Variants in NAV1 observed in about 807,000 individuals in gnomAD.
The protein encoded by NAV1 is pore membrane and/or filament interacting like protein 3.
In NAV1, 18 loss-of-function variants were observed where a neutral mutation model predicts 175.2. The ratio of observed to expected loss-of-function variants is 0.10; its 90% CI spans 0.07 to 0.15. The LOEUF (loss-of-function observed/expected upper bound fraction) is 0.15, where lower values mean the gene tolerates loss of function less well. Among genes scored for constraint, NAV1 ranks in the 10% least tolerant of loss-of-function variants. NAV1 has a pLI of 1.00. For missense variants in NAV1, 1,731 were observed against 2,436.6 expected (o/e 0.71, Z 6.10); for synonymous variants, 897 against 978.7 (o/e 0.92, Z 1.56).
chr1:201,681,889 T>G (rs1160721065), intron 1 of NAV1, among the ~76,000 whole-genome samples: 2 of 151,854 alleles, frequency 1.3e-5, no homozygotes, highest in African/African-American at 2.4e-5. Context: ...CCGAGGCAGG[T>G]GGATCACCTG....
chr1:201,551,293 A>G (rs893300581), intron 1 of NAV1, among the ~76,000 whole-genome samples: 30 of 152,080 alleles, frequency 2.0e-4, no homozygotes, highest in African/African-American at 6.5e-4. Context: ...CAGTGATGCA[A>G]TCATAGCTTA....
At chr1:201,731,278 G>T (rs1207527424) in intron 3 of NAV1, among the ~76,000 whole-genome samples, 1 of 152,060 alleles carries the variant, frequency 6.6e-6, no homozygotes, top group African/African-American at 2.4e-5. Flanking sequence ...GTGTGTGAGA[G>T]GTGGCTGGAT....
intron 1 of NAV1, among the ~76,000 whole-genome samples, chr1:201,687,585 C>T (rs1670734160): frequency 2.0e-5 from 3 of 152,214 alleles, no homozygotes; most frequent in African/African-American, 4.8e-5. Flanking sequence ...ACATAATTAT[C>T]TCTGTTCTAC....
rs188810654 is a variant in NAV1, at chr1:201,659,924, G to A, written c.757+10499G>A. On this transcript the variant is annotated intron_variant, in intron 1 of 29. Coordinates refer to ENST00000367296, the Ensembl canonical transcript of NAV1. The stretch of plus-strand genomic sequence containing the variant: ...TGCCATGCCCTGGGCATTGCCATGG[G>A]ATTCCATTGCTGTAGGAGTGAGAAT... 6.6e-5 allele frequency among the ~76,000 whole-genome samples: 10 copies of A among 152,324 alleles called. No individual in the cohort carries two copies. The South Asian group carries it at 1.2e-3, about 19-fold the overall frequency.
intron 15 of NAV1, among the ~76,000 whole-genome samples, chr1:201,800,316 T>C (rs1677770331): frequency 6.6e-6 from 1 of 152,232 alleles, no homozygotes; most frequent in South Asian, 2.1e-4. Context: ...ATTTTATTTT[T>C]AATTAACTAG....
chr1:201,631,085 C>T (rs1668469037), intron 2 of NAV1, among the ~76,000 whole-genome samples: 1 of 152,096 alleles, frequency 6.6e-6, no homozygotes. Context: ...GACAGAGTGC[C>T]GGGGAACATT....
intron 3 of NAV1, among the ~76,000 whole-genome samples, chr1:201,761,788 C>T (rs1231559169): frequency 6.6e-6 from 1 of 152,176 alleles, no homozygotes; most frequent in Non-Finnish European, 1.5e-5. Context: ...GACGTACAAG[C>T]AGTACGAATG....
At chr1:201,542,770 A>G (rs548517228) in intron 1 of NAV1, among the ~76,000 whole-genome samples, 1 of 152,260 alleles carries the variant, frequency 6.6e-6, no homozygotes. Flanking sequence ...TAATATGCAT[A>G]TAAAATTAAA....
At chr1:201,651,646 G>A (rs1478354347) in intron 1 of NAV1, among the ~76,000 whole-genome samples, 1 of 152,150 alleles carries the variant, frequency 6.6e-6, no homozygotes, top group Non-Finnish European at 1.5e-5. Context: ...TTGATCTCCT[G>A]AGGACTAAGT....
chr1:201,787,717 C>T lies in NAV1; in HGVS notation c.2996-751C>T, dbSNP rs1221295946. 4 of 456,088 alleles carry T rather than the reference C, an allele frequency of 8.8e-6. No individual in the cohort carries two copies. Among genetic ancestry groups the T allele is most frequent in the Non-Finnish European group, 1.8e-5 (4 of 226,934 alleles). 28.3% of individuals were successfully genotyped at this position (456,088 alleles called of 1,614,324 possible). On this transcript the variant is annotated intron_variant, in intron 9 of 29. Coordinates refer to ENST00000367296, the Ensembl canonical transcript of NAV1. This position sits in a 1 kb window ranked among gnomAD's most constrained non-coding sequence, Gnocchi z 4.3. ...AGGCAGAAGAATAGACAAGGGAGCTCCTTGTGGGTATGAAACCCTGAAAGG... is the reference window on the plus strand; with the variant it reads ...AGGCAGAAGAATAGACAAGGGAGCTTCTTGTGGGTATGAAACCCTGAAAGG...
chr1:201,703,085 C>G (rs1671509568), intron 1 of NAV1, among the ~76,000 whole-genome samples: 1 of 152,216 alleles, frequency 6.6e-6, no homozygotes, highest in African/African-American at 2.4e-5. Context: ...ACTCCCGTCC[C>G]CATTTGCCTG....
intron 3 of NAV1, among the ~76,000 whole-genome samples, chr1:201,757,317 G>A (rs550591914): frequency 6.6e-6 from 1 of 152,138 alleles, no homozygotes; most frequent in African/African-American, 2.4e-5. Context: ...GTGGAGTGCA[G>A]TGGCACAATC....
intron 2 of NAV1, among the ~76,000 whole-genome samples, chr1:201,605,576 G>T (rs1667651668): frequency 6.6e-6 from 1 of 152,206 alleles, no homozygotes. Flanking sequence ...TGAGGGGCAA[G>T]AATGAGAGCC....
At chr1:201,567,625 C>T (rs1466313297) in intron 1 of NAV1, among the ~76,000 whole-genome samples, 1 of 152,144 alleles carries the variant, frequency 6.6e-6, no homozygotes, top group Non-Finnish European at 1.5e-5. Flanking sequence ...CTGTCAGAGG[C>T]ACAGGGAGAT....
At chr1:201,714,448 A>T (rs771730541) in intron 2 of NAV1, among the ~76,000 whole-genome samples, 1 of 152,196 alleles carries the variant, frequency 6.6e-6, no homozygotes, top group Non-Finnish European at 1.5e-5. Flanking sequence ...AAGATAAATC[A>T]AAACTCTCTG....
chr1:201,636,606 G>A (rs1053379799), intron 2 of NAV1, among the ~76,000 whole-genome samples: 25 of 152,238 alleles, frequency 1.6e-4, no homozygotes, highest in African/African-American at 5.5e-4. Flanking sequence ...AGTCATCCAC[G>A]TGAGACCAGA....
At chr1:201,638,582 T>G (rs796253027) in intron 2 of NAV1, among the ~76,000 whole-genome samples, 2 of 152,340 alleles carry the variant, frequency 1.3e-5, no homozygotes, top group African/African-American at 4.8e-5. Context: ...CTATATGTCT[T>G]GGAATCACAT....
chr1:201,628,580 C>T (rs566726154), intron 1 of NAV1, among the ~76,000 whole-genome samples: 5 of 152,294 alleles, frequency 3.3e-5, no homozygotes, highest in African/African-American at 7.2e-5. Flanking sequence ...TGGCCCAGCC[C>T]TTCAATTTCC....
intron 1 of NAV1, among the ~76,000 whole-genome samples, chr1:201,670,938 G>A (rs1462640575): frequency 3.3e-5 from 5 of 152,260 alleles, no homozygotes; most frequent in Middle Eastern, 3.4e-3. Flanking sequence ...TAGAGATGAC[G>A]GCAATGGTTT....
Sources: allele counts gnomAD v4.1 joint callset (sites outside exome capture counted in the v4.1 genomes callset), GRCh38; gene constraint gnomAD v4.1.1; non-coding constraint Gnocchi (gnomAD v3.1); transcripts MANE v1.5; gene names NCBI Gene and HGNC (gene_info 2026-07-23, HGNC 2026-07-21).